Variants in SEC24D observed in about 807,000 individuals in gnomAD.
SEC24D encodes protein transport protein Sec24D.
SEC24D carries 69 observed loss-of-function variants against 116.9 expected under a neutral mutation model. The observed-to-expected ratio is 0.59, with a 90% confidence interval of 0.49 to 0.72. The LOEUF (loss-of-function observed/expected upper bound fraction) is 0.72, where lower values mean the gene tolerates loss of function less well. Ranked by LOEUF, SEC24D falls within the 30% of genes least tolerant of loss-of-function variation. The probability of loss-of-function intolerance (pLI) is 0.00; values close to 1 mark genes in which losing one functional copy is unlikely to be tolerated. For synonymous variants in SEC24D, 405 were observed against 442.8 expected (o/e 0.91, Z 1.07); for missense variants, 1,131 against 1,264.1 (o/e 0.89, Z 1.60).
chr4:118,831,256 G>A (rs879356409), intron 2 of SEC24D, among the ~76,000 whole-genome samples: 4 of 152,024 alleles, frequency 2.6e-5, no homozygotes, highest in Admixed American at 6.6e-5. Flanking sequence ...CTCAAACTCC[G>A]GGCCTCAAGT....
At chr4:118,766,546 G>C (rs1288901571) in intron 9 of SEC24D, 1 of 152,236 alleles carries the variant, frequency 6.6e-6, no homozygotes, top group African/African-American at 2.4e-5. Context: ...AACATAATCT[G>C]CTGTGTTGAG....
At chr4:118,810,098 G>GTA (rs1729844787) in intron 6 of SEC24D, among the ~76,000 whole-genome samples, 1 of 146,114 alleles carries the variant, frequency 6.8e-6, no homozygotes, top group Non-Finnish European at 1.5e-5. Flanking sequence ...GTGTGTGTGT[G>GTA]TGTGTGTGTG....
At chr4:118,741,459 A>T (rs1165160523) in intron 15 of SEC24D, among the ~76,000 whole-genome samples, 1 of 152,192 alleles carries the variant, frequency 6.6e-6, no homozygotes, top group Non-Finnish European at 1.5e-5. Context: ...TATGTCAGGG[A>T]AAGTAGAAAC....
intron 22 of SEC24D, among the ~76,000 whole-genome samples, chr4:118,724,658 ACAGGGAAGAAGCC>A (rs1725317773): frequency 6.6e-6 from 1 of 152,218 alleles, no homozygotes; most frequent in African/African-American, 2.4e-5. Flanking sequence ...GAAGAAACCC[ACAGGGAAGAAGCC>A]CAGAAGAGAG....
At chr4:118,762,732 T>G (rs1727444010) in intron 10 of SEC24D, among the ~76,000 whole-genome samples, 1 of 152,196 alleles carries the variant, frequency 6.6e-6, no homozygotes, top group South Asian at 2.1e-4. Context: ...TGAACTCTAC[T>G]TGGAATAATA....
intron 8 of SEC24D, among the ~76,000 whole-genome samples, chr4:118,794,378 C>T (rs915061754): frequency 6.6e-6 from 1 of 151,958 alleles, no homozygotes; most frequent in African/African-American, 2.4e-5. Flanking sequence ...AGCTTTATCA[C>T]GAGGAAGGGG....
At chr4:118,782,375 C>T (rs904941413) in intron 8 of SEC24D, among the ~76,000 whole-genome samples, 7 of 152,194 alleles carry the variant, frequency 4.6e-5, no homozygotes, top group Admixed American at 4.6e-4. Context: ...TGCTGGAGGT[C>T]CACTCCAGAC....
At chr4:118,747,439 T>C (rs973433004) in intron 13 of SEC24D, among the ~76,000 whole-genome samples, 2 of 152,040 alleles carry the variant, frequency 1.3e-5, no homozygotes, top group Admixed American at 1.3e-4. Context: ...GCTATTTTTG[T>C]ATTTTTAGTA....
intron 10 of SEC24D, among the ~76,000 whole-genome samples, chr4:118,761,151 ACTGT>A (rs1193643246): frequency 1.3e-5 from 2 of 152,154 alleles, no homozygotes; most frequent in Non-Finnish European, 2.9e-5. Context: ...GTCAGAATAA[ACTGT>A]CTGATGCTCA....
chr4:118,793,391 C>T lies in SEC24D; in HGVS notation c.1041+4292G>A, dbSNP rs947055154. Among the ~76,000 whole-genome samples the T allele has an allele frequency of 5.6e-5, 8 of 142,744 alleles. No individual in the cohort carries two copies. In the South Asian group the frequency reaches 6.7e-4, roughly 12 times the overall value. The allele number at this position is 142,744 out of a possible 152,430, so 93.6% of individuals were successfully genotyped here. ...CTGAGGCAGGAGAATGGCGTGAACC[C>T]GGGAGGCGGAGCTTGCAGTGAGCCG... On this transcript the variant is annotated intron_variant, in intron 8 of 22. Transcript: ENST00000280551.
chr4:118,792,432 C>A (rs1375413632), intron 8 of SEC24D, among the ~76,000 whole-genome samples: 2 of 152,100 alleles, frequency 1.3e-5, no homozygotes, highest in African/African-American at 4.8e-5. Flanking sequence ...ATGACGATGG[C>A]GATTTTGTCG....
At chr4:118,750,785 G>A (rs1726788480) in intron 13 of SEC24D, among the ~76,000 whole-genome samples, 1 of 152,078 alleles carries the variant, frequency 6.6e-6, no homozygotes, top group Non-Finnish European at 1.5e-5. Context: ...TCTGTTAGGT[G>A]AGCCTTAATA....
chr4:118,827,362 G>A (rs147961730), intron 2 of SEC24D, among the ~76,000 whole-genome samples: 103 of 152,154 alleles, frequency 6.8e-4, no homozygotes, highest in African/African-American at 2.4e-3. Context: ...ACAGAATCAG[G>A]TCCTTTATAG....
chr4:118,732,921 G>A lies in SEC24D; in HGVS notation c.2497-9C>T. On this transcript the variant is annotated splice_polypyrimidine_tract_variant and intron_variant, in intron 19 of 22. Transcript: ENST00000280551. ...GAATCTGGTAGAATAAGCTGAAAAAGACAATTTTTTGTTTCATACGCTTGA... is the reference window on the plus strand; with the variant it reads ...GAATCTGGTAGAATAAGCTGAAAAAAACAATTTTTTGTTTCATACGCTTGA... 1 of 1,611,542 alleles carries A rather than the reference G, an allele frequency of 6.2e-7. No homozygotes were observed. The highest frequency in any genetic ancestry group is 1.3e-5 in the African/African-American group (1 of 74,970).
chr4:118,815,731 G>C lies in SEC24D; in HGVS notation c.398-5C>G. 1 of 1,613,000 alleles carries C rather than the reference G, an allele frequency of 6.2e-7. No individual in the cohort carries two copies. Among genetic ancestry groups the C allele is most frequent in the Non-Finnish European group, 8.5e-7 (1 of 1,179,442 alleles). ...TTGGAGGAGCCATGCCTGAACCTGT[G>C]TGAGAAAGGAGACCAGCCCACTTAA... On this transcript the variant is annotated splice_polypyrimidine_tract_variant and splice_region_variant and intron_variant, in intron 4 of 22. Transcript: ENST00000280551.
Position 118,797,787 on chromosome 4 carries a change from G to A in SEC24D, c.937C>T (p.Arg313Cys), listed in dbSNP as rs561087748. The stretch of plus-strand genomic sequence containing the variant: ...CATGGAAAACAGTATGTTGTACAAC[G>A]GATGAATCGAGGACTGGCATTTCCT... ...DQGNASPRFI[R>C]CTTYCFPCTS... The change falls in exon 8 of 23, where the codon CGT becomes TGT. Residue 313 changes from arginine (R) to cysteine (C), a missense_variant. Transcript: ENST00000280551. 5 of 1,603,336 alleles carry A rather than the reference G, an allele frequency of 3.1e-6. No individual in the cohort carries two copies. The highest frequency in any genetic ancestry group is 2.2e-5 in the South Asian group (2 of 89,426).
At chr4:118,768,887 T>C (rs1578415034) in intron 8 of SEC24D, among the ~76,000 whole-genome samples, 1 of 152,228 alleles carries the variant, frequency 6.6e-6, no homozygotes, top group African/African-American at 2.4e-5. Context: ...TATTTGCCAA[T>C]ATGTGTGTGG....
chr4:118,822,159 G>C (rs532970615), intron 3 of SEC24D, among the ~76,000 whole-genome samples: 110 of 152,312 alleles, frequency 7.2e-4, no homozygotes, highest in African/African-American at 2.6e-3. Context: ...CTAGTGCACT[G>C]TGTAAGGTAC....
At chr4:118,732,994 T>C (rs1350303481) in intron 19 of SEC24D, 82 bp from the exon 20 acceptor site, 1 of 1,229,518 alleles carries the variant, frequency 8.1e-7, no homozygotes, top group Non-Finnish European at 1.2e-6. Context: ...GACTGAAACA[T>C]TATTTGCTTC....
Sources: allele counts gnomAD v4.1 joint callset (sites outside exome capture counted in the v4.1 genomes callset), GRCh38; gene constraint gnomAD v4.1.1; transcripts MANE v1.5; gene names NCBI Gene and HGNC (gene_info 2026-07-23, HGNC 2026-07-21).